Variants in BRSK1 observed in about 807,000 individuals in gnomAD.
BRSK1 encodes the protein serine/threonine-protein kinase BRSK1.
A neutral mutation model predicts 86.2 loss-of-function variants in BRSK1; 17 were observed. The observed-to-expected ratio is 0.20, with a 90% CI of 0.14 to 0.30. BRSK1 has a LOEUF of 0.30. Ranked by LOEUF, BRSK1 falls within the 10% of genes least tolerant of loss-of-function variation. The pLI is 1.00. For synonymous variants in BRSK1, 464 were observed against 440.1 expected, an observed-to-expected ratio of 1.05 and a Z score of -0.68; for missense variants, 719 against 1,071.9, an observed-to-expected ratio of 0.67 and a Z score of 4.60.
At chr19:55,305,019 A>G (rs2088628617) in intron 14 of BRSK1, 99 bp downstream of exon 14, 1 of 1,516,510 alleles carries the variant, frequency 6.6e-7, no homozygotes, top group Non-Finnish European at 8.8e-7. Context: ...AGAGGAAGGG[A>G]CTGGGGGCCT....
chr19:55,302,471 AG>A lies in BRSK1; in HGVS notation c.858-222del, dbSNP rs5828617. On this transcript the variant is annotated intron_variant, in intron 9 of 18. Coordinates refer to ENST00000309383, the MANE Select transcript of BRSK1 (RefSeq NM_032430.2). The surrounding 1 kb of genome is among the most constrained non-coding windows in gnomAD (Gnocchi z 6.3). Reference sequence around the variant, plus strand: ...CCTGGACTTCTGGGTCTGAAGAAGGAGGGGCCGGGGGCCTGGACCCCTCGGT... The same window carrying A: ...CCTGGACTTCTGGGTCTGAAGAAGGAGGGCCGGGGGCCTGGACCCCTCGGT... 0.044 allele frequency: 26,668 copies of A among 605,290 alleles called. 813 individuals carry two copies. The highest frequency in any genetic ancestry group is 0.13 in the East Asian group (4,582 of 35,430). The allele number at this position is 605,290 out of a possible 1,614,324, so 37.5% of individuals were successfully genotyped here.
chr19:55,296,805 G>A (rs940437670), intron 7 of BRSK1, among the ~76,000 whole-genome samples: 36 of 152,080 alleles, frequency 2.4e-4, no homozygotes, highest in African/African-American at 8.7e-4. Flanking sequence ...CCGAGATCAT[G>A]CCACTGCACT....
rs1025083220 is a variant in BRSK1, at chr19:55,287,046, A to G, written c.176A>G (p.Lys59Arg). Residue 59 changes from lysine to arginine, a missense_variant, in exon 2 of 19, where the codon AAG becomes AGG. Around this residue, in one of 6 missense-constraint regions of BRSK1, gnomAD observed 71 missense variants for 92.6 expected, o/e 0.77. Transcript: ENST00000309383. The surrounding 1 kb of genome is among the most constrained non-coding windows in gnomAD (Gnocchi z 5.3). ...KLGVHCITGQ[K>R]VAIKIVNREK... ...GGGGTCCACTGCATCACGGGTCAGA[A>G]GGTCGCCATCAAGATCGTGAACCGG... 1.9e-6 allele frequency: 3 copies of G among 1,613,272 alleles called. No individual in the cohort carries two copies. In the African/African-American group the frequency reaches 4.0e-5, roughly 22 times the overall value.
At chr19:55,308,022 T>C (rs2088688278) in intron 17 of BRSK1, among the ~76,000 whole-genome samples, 1 of 143,368 alleles carries the variant, frequency 7.0e-6, no homozygotes, top group South Asian at 2.1e-4. Flanking sequence ...TGTTGTTGTT[T>C]GGTTTTTTTT....
chr19:55,308,510 G>A (rs1568990022), intron 17 of BRSK1, 129 bp from the exon 18 acceptor site: 8 of 701,034 alleles, frequency 1.1e-5, no homozygotes, highest in East Asian at 9.1e-5. Context: ...TGGCCCCAGC[G>A]GAGCAGGGGA....
At position 55,284,420 on chromosome 19, in the gene BRSK1, G is replaced by C; in HGVS notation, c.-23G>C. On this transcript the variant is annotated 5_prime_UTR_variant, in exon 1 of 19. Coordinates refer to ENST00000309383, the MANE Select transcript of BRSK1 (RefSeq NM_032430.2). ...CGCAGGGGGGGCGGCCGGGGGACCGGTCGGGCCGGGACCAAGGGCACCATG... is the reference window on the plus strand; with the variant it reads ...CGCAGGGGGGGCGGCCGGGGGACCGCTCGGGCCGGGACCAAGGGCACCATG... 4 of 1,193,898 alleles carry C rather than the reference G, an allele frequency of 3.4e-6. No individual in the cohort carries two copies. In the South Asian group the frequency reaches 1.4e-4, roughly 41 times the overall value. The allele number at this position is 1,193,898 out of a possible 1,614,324, so 74.0% of individuals were successfully genotyped here.
In BRSK1 at chr19:55,287,051, G is replaced by T; in HGVS notation, c.181G>T (p.Ala61Ser). The T allele has an allele frequency of 1.2e-6, 2 of 1,613,568 alleles. No individual in the cohort carries two copies. Among genetic ancestry groups the T allele is most frequent in the Non-Finnish European group, 1.7e-6 (2 of 1,179,882 alleles). The change falls in exon 2 of 19, where the codon GCC (alanine) becomes TCC (serine). Residue 61 changes from alanine to serine, a missense_variant. Physicochemically the swap from Ala to Ser is moderately conservative, Grantham distance 99 (BLOSUM62 1). This residue lies in a region of BRSK1 where 71 missense variants were observed against 92.6 expected (regional missense o/e 0.77). Coordinates refer to ENST00000309383, the MANE Select transcript of BRSK1 (RefSeq NM_032430.2). The surrounding 1 kb of genome is among the most constrained non-coding windows in gnomAD (Gnocchi z 5.3). ...CCACTGCATCACGGGTCAGAAGGTC[G>T]CCATCAAGATCGTGAACCGGGAGAA... ...GVHCITGQKVAIKIVNREKLS... is the reference protein window; with the variant it reads ...GVHCITGQKVSIKIVNREKLS...
intron 4 of BRSK1, 74 bp from the exon 5 acceptor site, chr19:55,293,943 T>C (rs1291486773): frequency 1.5e-6 from 2 of 1,298,508 alleles, no homozygotes; most frequent in African/African-American, 1.5e-5. Flanking sequence ...AGTGTTCCAC[T>C]GTGAGAGCCA....
rs2088593798 is a variant in BRSK1 at position 55,302,934 on chromosome 19, A to G, written c.1028+67A>G. The G allele has an allele frequency of 5.8e-6, 9 of 1,559,970 alleles. No individual in the cohort carries two copies. The highest frequency in any genetic ancestry group is 3.5e-5 in the Admixed American group (2 of 56,802). ...CGAGCTGCAGCAGCTCCCTGCGCAC[A>G]TGCAGAGTGCTGGGCGAGGAACCCT... On this transcript the variant is annotated intron_variant, in intron 10 of 18. Transcript: ENST00000309383. The surrounding 1 kb of genome is among the most constrained non-coding windows in gnomAD (Gnocchi z 6.3).
chr19:55,305,711 T>G (rs569354546), intron 16 of BRSK1, 125 bp downstream of exon 16: 191 of 1,433,484 alleles, frequency 1.3e-4, no homozygotes, highest in Non-Finnish European at 1.7e-4. Flanking sequence ...TGTAGTTTTA[T>G]GGCCAGAGTT....
At position 55,308,537 on chromosome 19, in the gene BRSK1, G is replaced by A. The variant is rs1257749927; in HGVS notation, c.2090-102G>A. The stretch of plus-strand genomic sequence containing the variant: ...AGCAGGGGAGACGGAGATGCAGGGG[G>A]GGTGTTGTGTGCTTGGTGGAGGGAC... On this transcript the variant is annotated intron_variant, in intron 17 of 18. Transcript: ENST00000309383. 1.5e-5 allele frequency: 12 copies of A among 793,062 alleles called. No homozygotes were observed. The South Asian group carries it at 1.6e-4, about 11-fold the overall frequency. The allele number at this position is 793,062 out of a possible 1,614,324, so 49.1% of individuals were successfully genotyped here.
chr19:55,308,536 G>A (rs557867793), intron 17 of BRSK1, 103 bp from the exon 18 acceptor site: 24 of 788,996 alleles, frequency 3.0e-5, no homozygotes, highest in South Asian at 9.5e-5. Context: ...AGATGCAGGG[G>A]GGGTGTTGTG....
At position 55,294,292 on chromosome 19, in the gene BRSK1, G is replaced by C; in HGVS notation, c.610-37G>C. On this transcript the variant is annotated intron_variant, in intron 6 of 18. Coordinates refer to ENST00000309383, the MANE Select transcript of BRSK1 (RefSeq NM_032430.2). This position sits in a 1 kb window ranked among gnomAD's most constrained non-coding sequence, Gnocchi z 4.9. The stretch of plus-strand genomic sequence containing the variant: ...AGGGGAGAGGGGTGGAGGCAGCAGT[G>C]AGGAGCGATGAAGTCACAACTGGCC... The C allele has an allele frequency of 3.1e-6, 5 of 1,614,152 alleles. No individual in the cohort carries two copies. Among genetic ancestry groups the C allele is most frequent in the Non-Finnish European group, 3.4e-6 (4 of 1,180,028 alleles).
In BRSK1 at chr19:55,302,607, G is replaced by A. The variant is rs531090981; in HGVS notation, c.858-90G>A. ...AGAGAAGGGGCCGGGGCCTAGACTC[G>A]GATTTCGGGGTCCGGGATCATTGAG... is the stretch of plus-strand genomic sequence containing the variant. On this transcript the variant is annotated intron_variant, in intron 9 of 18. Transcript: ENST00000309383. This position sits in a 1 kb window ranked among gnomAD's most constrained non-coding sequence, Gnocchi z 6.3. 4.0e-6 allele frequency: 6 copies of A among 1,493,820 alleles called. No individual in the cohort carries two copies. Among genetic ancestry groups the A allele is most frequent in the East Asian group, 4.6e-5 (2 of 43,816 alleles). The allele number at this position is 1,493,820 out of a possible 1,614,324, so 92.5% of individuals were successfully genotyped here.
rs561779751 is a variant in BRSK1, at chr19:55,284,987, A to G, written c.136+409A>G. Among the ~76,000 whole-genome samples the G allele has an allele frequency of 1.2e-4, 10 of 85,576 alleles. No homozygotes were observed. The East Asian group carries it at 3.2e-3, about 28-fold the overall frequency. The allele number at this position is 85,576 out of a possible 152,430, so 56.1% of individuals were successfully genotyped here. On this transcript the variant is annotated intron_variant, in intron 1 of 18. Transcript: ENST00000309383. ...TGGTGGCCTGCACTCCTGGGTCTGA[A>G]GGAGAAGGGCTTGGGGGCCTGGACT...
Position 55,294,810 on chromosome 19 carries a change from T to C in BRSK1, c.678+413T>C, listed in dbSNP as rs909017388. Among the ~76,000 whole-genome samples the C allele has an allele frequency of 6.6e-6, 1 of 151,904 alleles. No individual in the cohort carries two copies. The highest frequency in any genetic ancestry group is 2.4e-5 in the African/African-American group (1 of 41,334). ...AGCCACTGAACCCGGCCTATTTATT[T>C]ATGTATTTTGAGACAGAGTCTTGCT... On this transcript the variant is annotated intron_variant, in intron 7 of 18. Coordinates refer to ENST00000309383, the MANE Select transcript of BRSK1 (RefSeq NM_032430.2). The surrounding 1 kb of genome is among the most constrained non-coding windows in gnomAD (Gnocchi z 4.9).
chr19:55,311,745 C>T (rs2088801022), intron 18 of BRSK1, among the ~76,000 whole-genome samples, 166 bp from the exon 19 acceptor site: 2 of 152,136 alleles, frequency 1.3e-5, no homozygotes, highest in Non-Finnish European at 2.9e-5. Flanking sequence ...TCCGAGTAAC[C>T]AATTCAAGGC....
chr19:55,312,199 G>A lies in BRSK1; in HGVS notation c.*131G>A. 2.0e-6 allele frequency: 1 copy of A among 500,500 alleles called. No homozygotes were observed. The allele number at this position is 500,500 out of a possible 1,614,324, so 31.0% of individuals were successfully genotyped here. A position where few individuals can be genotyped will look rare whatever the true frequency, so the allele number is the denominator to read the frequency against. ...ACACAAAAACCGGCCTTGCCCTGCA[G>A]GGATGGGGCTCCACAGGCCGTGCCC... On this transcript the variant is annotated 3_prime_UTR_variant, in exon 19 of 19. Transcript: ENST00000309383.
At chr19:55,284,787 C>T (rs578194942) in intron 1 of BRSK1, among the ~76,000 whole-genome samples, 3 of 150,888 alleles carry the variant, frequency 2.0e-5, no homozygotes, top group African/African-American at 7.3e-5. Flanking sequence ...GGCTGGGGGC[C>T]TGGACTCCTG....
Sources: allele counts gnomAD v4.1 joint callset (sites outside exome capture counted in the v4.1 genomes callset), GRCh38; gene constraint gnomAD v4.1.1; regional missense constraint gnomAD v4.1.1; non-coding constraint Gnocchi (gnomAD v3.1); transcripts MANE v1.5; gene names NCBI Gene and HGNC (gene_info 2026-07-23, HGNC 2026-07-21).